Variants in MGAT4A observed in about 807,000 individuals in gnomAD.
The protein encoded by MGAT4A is alpha-1,3-mannosyl-glycoprotein 4-beta-N-acetylglucosaminyltransferase A, also known as N-acetylglucosaminyltransferase IVa.
Under a neutral mutation model 74.1 loss-of-function variants are expected in MGAT4A, and 33 were observed. The observed-to-expected ratio is 0.45, with a 90% CI of 0.34 to 0.60. The LOEUF (loss-of-function observed/expected upper bound fraction) is 0.60. Among genes scored for constraint, MGAT4A ranks in the 20% least tolerant of loss-of-function variants. The pLI, the probability that MGAT4A is intolerant of heterozygous loss-of-function variation, is 0.02. For missense variants in MGAT4A, 479 were observed against 628.3 expected (o/e 0.76, Z 2.54); for synonymous variants, 198 against 210.4 (o/e 0.94, Z 0.51).
intron 2 of MGAT4A, among the ~76,000 whole-genome samples, chr2:98,682,919 T>C (rs1575267240): frequency 6.6e-6 from 1 of 151,798 alleles, no homozygotes; most frequent in African/African-American, 2.4e-5. Flanking sequence ...CCCCCGTCTC[T>C]ACTAAAAAAA....
intron 2 of MGAT4A, among the ~76,000 whole-genome samples, chr2:98,688,249 CA>C (rs369096187): frequency 6.0e-5 from 9 of 150,200 alleles, no homozygotes; most frequent in Non-Finnish European, 7.4e-5. Flanking sequence ...TTTTTTAAAA[CA>C]AAAAAAAAGA....
At chr2:98,678,249 A>AAAAAAAAAT (rs67023324) in intron 3 of MGAT4A, 55 bp downstream of exon 3, 95 of 263,796 alleles carry the variant, frequency 3.6e-4, no homozygotes, top group Admixed American at 5.8e-4. Context: ...AAAAAAAAAA[A>AAAAAAAAAT]ATATATATAT....
At chr2:98,660,056 T>C (rs1701719496) in intron 5 of MGAT4A, among the ~76,000 whole-genome samples, 2 of 152,126 alleles carry the variant, frequency 1.3e-5, no homozygotes, top group African/African-American at 4.8e-5. Context: ...GAAAACAATA[T>C]ACAAACATCG....
intron 12 of MGAT4A, among the ~76,000 whole-genome samples, chr2:98,637,476 T>C (rs560246630): frequency 6.6e-6 from 1 of 152,316 alleles, no homozygotes; most frequent in Non-Finnish European, 1.5e-5. Flanking sequence ...GAATGACTAA[T>C]TATCGATATA....
rs566188985 is a variant in MGAT4A, at chr2:98,705,911, C to T, written c.94+20328G>A. On this transcript the variant is annotated intron_variant, in intron 2 of 15. Transcript: ENST00000393487. Reference sequence around the variant, plus strand: ...GAGCCGAGATTGCGCCACTGCAGTCCGCAGTCCGACCTGGGCGACAGAGCG... The same window carrying T: ...GAGCCGAGATTGCGCCACTGCAGTCTGCAGTCCGACCTGGGCGACAGAGCG... 2.5e-3 allele frequency among the ~76,000 whole-genome samples: 359 copies of T among 145,436 alleles called. 1 individual carries two copies. Among genetic ancestry groups the T allele is most frequent in the Non-Finnish European group, 3.3e-3 (221 of 67,134 alleles).
chr2:98,673,498 G>GTAAA (rs1701937973), intron 4 of MGAT4A, among the ~76,000 whole-genome samples: 1 of 152,060 alleles, frequency 6.6e-6, no homozygotes, highest in Non-Finnish European at 1.5e-5. Flanking sequence ...AATGTTTAAC[G>GTAAA]TAAATATGGG....
chr2:98,677,784 G>T (rs375955524), intron 3 of MGAT4A, among the ~76,000 whole-genome samples: 1 of 144,142 alleles, frequency 6.9e-6, no homozygotes, highest in South Asian at 2.2e-4. Context: ...CTTAAAATCA[G>T]ATTTAGCAGG....
Position 98,676,961 on chromosome 2 carries a change from G to A in MGAT4A, c.262+1343C>T, listed in dbSNP as rs760086914. Reference sequence around the variant, plus strand: ...ATAATGCAAAGTTTATCAGCAGGAGGAGAAGGAGCACGCAACTTTATAAAT... The same window carrying A: ...ATAATGCAAAGTTTATCAGCAGGAGAAGAAGGAGCACGCAACTTTATAAAT... On this transcript the variant is annotated intron_variant, in intron 3 of 15. Transcript: ENST00000393487. Among the ~76,000 whole-genome samples the A allele has an allele frequency of 5.3e-5, 8 of 152,200 alleles. 1 individual carries two copies.
Position 98,655,595 on chromosome 2 carries a change from G to A in MGAT4A, c.699-75C>T, listed in dbSNP as rs957684540. The A allele has an allele frequency of 4.4e-6, 4 of 901,122 alleles. No homozygotes were observed. In the African/African-American group the frequency reaches 5.0e-5, roughly 11 times the overall value. The allele number at this position is 901,122 out of a possible 1,614,324, so 55.8% of individuals were successfully genotyped here. ...GTAAAATAAGATTAAATGTATAAAT[G>A]TCAAATGTCTACATAACATGTCATC... On this transcript the variant is annotated intron_variant, in intron 7 of 15. Coordinates refer to ENST00000393487, the MANE Select transcript of MGAT4A (RefSeq NM_012214.3).
chr2:98,624,984 G>A lies in MGAT4A; in HGVS notation c.*582C>T. The A allele has an allele frequency of 1.0e-6, 1 of 985,084 alleles. No homozygotes were observed. The highest frequency in any genetic ancestry group is 1.2e-6 in the Non-Finnish European group (1 of 829,424). The allele number at this position is 985,084 out of a possible 1,614,324, so 61.0% of individuals were successfully genotyped here. ...GGCAGTGCATTTGAAAAATGGCATTGGTTTGTAATGTTTGCATTTCCAAAG... is the reference window on the plus strand; with the variant it reads ...GGCAGTGCATTTGAAAAATGGCATTAGTTTGTAATGTTTGCATTTCCAAAG... On this transcript the variant is annotated 3_prime_UTR_variant, in exon 16 of 16. Coordinates refer to ENST00000393487, the MANE Select transcript of MGAT4A (RefSeq NM_012214.3).
chr2:98,728,412 A>G (rs1362263748), intron 1 of MGAT4A, among the ~76,000 whole-genome samples: 4 of 152,234 alleles, frequency 2.6e-5, no homozygotes, highest in African/African-American at 9.6e-5. Context: ...CAGTTAAGAC[A>G]AGTTAACATC....
chr2:98,658,319 G>A, intron 5 of MGAT4A, 55 bp from the exon 6 acceptor site: 1 of 964,300 alleles, frequency 1.0e-6, no homozygotes, highest in Admixed American at 2.4e-5. Context: ...TTATTTAACT[G>A]TTAATACTGA....
intron 8 of MGAT4A, among the ~76,000 whole-genome samples, chr2:98,646,452 C>G (rs547974363): frequency 6.6e-6 from 1 of 152,044 alleles, no homozygotes; most frequent in South Asian, 2.1e-4. Context: ...GCCTGTAATC[C>G]CAGCACTTCG....
intron 8 of MGAT4A, among the ~76,000 whole-genome samples, chr2:98,654,460 T>C (rs1009458721): frequency 6.6e-6 from 1 of 152,018 alleles, no homozygotes; most frequent in Non-Finnish European, 1.5e-5. Context: ...TTCAGCAAAG[T>C]TTCAGGATAC....
chr2:98,648,720 T>TC (rs748462308), intron 8 of MGAT4A, among the ~76,000 whole-genome samples: 38 of 130,524 alleles, frequency 2.9e-4, no homozygotes, highest in African/African-American at 1.0e-3. Context: ...AGACCCTGTC[T>TC]CCAAAAAAAA....
intron 2 of MGAT4A, among the ~76,000 whole-genome samples, chr2:98,721,092 C>T (rs1391233925): frequency 6.6e-6 from 1 of 152,172 alleles, no homozygotes; most frequent in East Asian, 1.9e-4. Flanking sequence ...TAATAGCTGA[C>T]TTCTCAGCAG....
chr2:98,714,404 T>G (rs546982177), intron 2 of MGAT4A, among the ~76,000 whole-genome samples: 103 of 152,300 alleles, frequency 6.8e-4, no homozygotes, highest in Middle Eastern at 3.4e-3. Context: ...TATTTTTTAC[T>G]GTCGGAGGCA....
chr2:98,688,213 C>T (rs1702152624), intron 2 of MGAT4A, among the ~76,000 whole-genome samples: 1 of 151,920 alleles, frequency 6.6e-6, no homozygotes, highest in African/African-American at 2.4e-5. Flanking sequence ...AGAAACCTCC[C>T]AAAGGATAAA....
At chr2:98,725,214 TC>T (rs1414423413) in intron 2 of MGAT4A, among the ~76,000 whole-genome samples, 2 of 151,824 alleles carry the variant, frequency 1.3e-5, no homozygotes, top group African/African-American at 2.4e-5. Flanking sequence ...CCCCAAGAGT[TC>T]CCCCAAAATT....
Sources: allele counts gnomAD v4.1 joint callset (sites outside exome capture counted in the v4.1 genomes callset), GRCh38; gene constraint gnomAD v4.1.1; transcripts MANE v1.5; gene names NCBI Gene and HGNC (gene_info 2026-07-23, HGNC 2026-07-21).